Variants in TFDP2 observed in about 807,000 individuals in gnomAD.
TFDP2 encodes transcription factor Dp-2.
A neutral mutation model predicts 59.3 loss-of-function variants in TFDP2; 17 were observed. The ratio of observed to expected loss-of-function variants is 0.29; its 90% CI spans 0.20 to 0.43. TFDP2 has a LOEUF of 0.43. Ranked by LOEUF, TFDP2 falls within the 20% of genes least tolerant of loss-of-function variation. The pLI, the probability that TFDP2 is intolerant of heterozygous loss-of-function variation, is 1.00. For synonymous variants in TFDP2, 180 were observed against 194.7 expected (o/e 0.92, Z 0.63); for missense variants, 391 against 528.8 (o/e 0.74, Z 2.56).
intron 3 of TFDP2, among the ~76,000 whole-genome samples, chr3:142,068,085 G>C (rs557863842): frequency 6.8e-6 from 1 of 147,534 alleles, no homozygotes; most frequent in Non-Finnish European, 1.5e-5. Context: ...CGGCAAAATA[G>C]ATCAACAAAA....
intron 1 of TFDP2, among the ~76,000 whole-genome samples, chr3:142,111,375 C>T (rs1042202164): frequency 6.9e-6 from 1 of 145,208 alleles, no homozygotes; most frequent in Non-Finnish European, 1.5e-5. Context: ...TTGCAGTTAG[C>T]TGAGATCGTG....
At chr3:142,022,327 T>G (rs1380999967) in intron 3 of TFDP2, among the ~76,000 whole-genome samples, 1 of 152,232 alleles carries the variant, frequency 6.6e-6, no homozygotes, top group East Asian at 1.9e-4. Flanking sequence ...TTTGTTCAAA[T>G]TAAGGAAATA....
At chr3:142,014,142 GTGTT>G (rs1287961438) in intron 3 of TFDP2, among the ~76,000 whole-genome samples, 1 of 152,020 alleles carries the variant, frequency 6.6e-6, no homozygotes, top group Non-Finnish European at 1.5e-5. Flanking sequence ...CAAAATAAAA[GTGTT>G]TGGTTTGTTT....
chr3:142,011,590 T>TAAA (rs386398107), intron 3 of TFDP2, among the ~76,000 whole-genome samples: 10 of 63,756 alleles, frequency 1.6e-4, no homozygotes, highest in South Asian at 5.6e-4. Flanking sequence ...TAAAGTATAA[T>TAAA]AAAAAAAAAA....
chr3:141,959,132 T>C (rs1295003746), intron 11 of TFDP2, among the ~76,000 whole-genome samples: 1 of 151,982 alleles, frequency 6.6e-6, no homozygotes, highest in Non-Finnish European at 1.5e-5. Context: ...TTTTGTATTT[T>C]TTTAGTAGAG....
intron 3 of TFDP2, among the ~76,000 whole-genome samples, chr3:142,063,740 G>A (rs533744445): frequency 1.7e-4 from 26 of 152,012 alleles, no homozygotes; most frequent in South Asian, 6.2e-4. Flanking sequence ...TCCTTAGTTG[G>A]TGAAGCCTCT....
chr3:142,129,644 A>C (rs984216905), intron 1 of TFDP2, among the ~76,000 whole-genome samples: 2 of 152,160 alleles, frequency 1.3e-5, no homozygotes, highest in East Asian at 3.8e-4. Context: ...ATTAAAAACT[A>C]GGCTCAAGTG....
In TFDP2 at chr3:141,984,979, G is replaced by A. The variant is rs1042783088; in HGVS notation, c.357-6297C>T. 4.0e-5 allele frequency among the ~76,000 whole-genome samples: 6 copies of A among 151,316 alleles called. No individual in the cohort carries two copies. In the South Asian group the frequency reaches 8.4e-4, roughly 21 times the overall value. Reference sequence around the variant, plus strand: ...GGAGCAGGACTACCCCATAGGCAACGTGCCCAGAGTAGCCTGTTCTTCATT... The same window carrying A: ...GGAGCAGGACTACCCCATAGGCAACATGCCCAGAGTAGCCTGTTCTTCATT... On this transcript the variant is annotated intron_variant, in intron 6 of 12. Coordinates refer to ENST00000489671, the MANE Select transcript of TFDP2 (RefSeq NM_001178139.2).
intron 8 of TFDP2, among the ~76,000 whole-genome samples, chr3:141,971,596 A>G (rs1166660187): frequency 2.0e-5 from 3 of 152,032 alleles, no homozygotes; most frequent in Non-Finnish European, 4.4e-5. Context: ...GTTTGGACTG[A>G]GCTCCTGCAC....
rs2107807535 is a variant in TFDP2, at chr3:141,948,799, C to T, written c.*3714G>A. 6.6e-6 allele frequency: 1 copy of T among 151,772 alleles called. No homozygotes were observed. Among genetic ancestry groups the T allele is most frequent in the South Asian group, 2.1e-4 (1 of 4,814 alleles). 9.4% of individuals were successfully genotyped at this position (151,772 alleles called of 1,614,324 possible). A position where few individuals can be genotyped will look rare whatever the true frequency, so the allele number is the denominator to read the frequency against. On this transcript the variant is annotated 3_prime_UTR_variant, in exon 13 of 13. Transcript: ENST00000489671. ...TCTTGCAGGGCTAAACTGAACCACT[C>T]CTCTGTGAAATATTTCCATTTGAGG...
chr3:141,962,091 G>A (rs998420659), intron 10 of TFDP2, among the ~76,000 whole-genome samples: 6 of 152,058 alleles, frequency 3.9e-5, no homozygotes, highest in Non-Finnish European at 8.8e-5. Flanking sequence ...TGGGATTACA[G>A]GTGTGCATCA....
intron 3 of TFDP2, among the ~76,000 whole-genome samples, chr3:142,013,500 T>C (rs1380000342): frequency 6.6e-6 from 1 of 152,198 alleles, no homozygotes; most frequent in Non-Finnish European, 1.5e-5. Context: ...TCATAGCTCC[T>C]TGGCAATAGG....
chr3:142,115,519 C>T (rs1243724559), intron 1 of TFDP2, among the ~76,000 whole-genome samples: 6 of 152,052 alleles, frequency 3.9e-5, no homozygotes, highest in African/African-American at 1.4e-4. Context: ...GGGGTTTCAC[C>T]GTGTTAGCCA....
intron 3 of TFDP2, among the ~76,000 whole-genome samples, chr3:142,025,072 A>G (rs955999868): frequency 1.3e-5 from 2 of 152,048 alleles, no homozygotes; most frequent in African/African-American, 4.8e-5. Context: ...TTATGACTGG[A>G]AGTATTTACT....
intron 3 of TFDP2, among the ~76,000 whole-genome samples, chr3:142,028,143 T>A (rs1560060266): frequency 6.6e-6 from 1 of 152,200 alleles, no homozygotes; most frequent in Non-Finnish European, 1.5e-5. Flanking sequence ...CTGTTGGCAA[T>A]TTAAAAGTTT....
chr3:141,961,904 T>C (rs1937411320), intron 10 of TFDP2, among the ~76,000 whole-genome samples: 2 of 152,048 alleles, frequency 1.3e-5, no homozygotes, highest in South Asian at 2.1e-4. Context: ...TGCCTGTAAA[T>C]AGCCACTGCA....
intron 1 of TFDP2, among the ~76,000 whole-genome samples, chr3:142,111,093 T>C (rs2108671325): frequency 6.6e-6 from 1 of 152,208 alleles, no homozygotes; most frequent in African/African-American, 2.4e-5. Context: ...ATTAACTACT[T>C]AATGACAGTC....
intron 4 of TFDP2, among the ~76,000 whole-genome samples, chr3:141,996,872 A>T (rs1317389546): frequency 2.6e-5 from 4 of 152,246 alleles, no homozygotes; most frequent in Admixed American, 2.6e-4. Context: ...TAGTTTAAAA[A>T]AATAAAAACA....
At chr3:142,036,443 G>C (rs939662201) in intron 3 of TFDP2, among the ~76,000 whole-genome samples, 2 of 152,152 alleles carry the variant, frequency 1.3e-5, no homozygotes, top group East Asian at 1.9e-4. Flanking sequence ...TATTGATGAT[G>C]TGCATTTATT....
Sources: gnomAD v4.1 joint callset for allele counts (sites outside exome capture counted in the v4.1 genomes callset) on GRCh38, gnomAD v4.1.1 for gene constraint, MANE v1.5 for transcripts, NCBI Gene and HGNC (gene_info 2026-07-23, HGNC 2026-07-21) for gene names.